NCAM2: variants seen among roughly 807,000 people sequenced by gnomAD.
NCAM2 encodes the protein N-CAM-2.
Under a neutral mutation model 98.1 loss-of-function variants are expected in NCAM2, and 30 were observed. The observed-to-expected ratio is 0.31, with a 90% CI of 0.23 to 0.41. The LOEUF is 0.41. Among genes scored for constraint, NCAM2 ranks in the 10% least tolerant of loss-of-function variants. NCAM2 has a pLI of 1.00. For synonymous variants in NCAM2, 368 were observed against 342.4 expected (o/e 1.07, Z -0.83); for missense variants, 867 against 1,005.8 (o/e 0.86, Z 1.87).
intron 9 of NCAM2, among the ~76,000 whole-genome samples, chr21:21,398,584 G>T (rs935711675): frequency 3.9e-5 from 6 of 152,134 alleles, no homozygotes; most frequent in Non-Finnish European, 7.4e-5. Context: ...GTGAAGCTTT[G>T]TAAAGAGTCA....
intron 15 of NCAM2, among the ~76,000 whole-genome samples, 159 bp downstream of exon 15, chr21:21,477,630 G>A (rs970054332): frequency 1.3e-5 from 2 of 151,912 alleles, no homozygotes; most frequent in African/African-American, 2.4e-5. Context: ...GTTTCTCATC[G>A]CTCTTGCCAT....
Position 21,247,242 on chromosome 21 carries a change from C to T in NCAM2, c.56-33336C>T, listed in dbSNP as rs549548816. On this transcript the variant is annotated intron_variant, in intron 1 of 17. Transcript: ENST00000400546. ...GCTGAGGCAGGAGAATGGCGTGAACCCGGGAGGCGGAGCTTGCAGTGAGTC... is the reference window on the plus strand; with the variant it reads ...GCTGAGGCAGGAGAATGGCGTGAACTCGGGAGGCGGAGCTTGCAGTGAGTC... Among the ~76,000 whole-genome samples, 9 of 152,108 alleles carry T rather than the reference C, an allele frequency of 5.9e-5. No homozygotes were observed. In the East Asian group the frequency reaches 1.8e-3, roughly 30 times the overall value.
At chr21:21,426,218 G>T (rs913867137) in intron 11 of NCAM2, among the ~76,000 whole-genome samples, 2 of 151,974 alleles carry the variant, frequency 1.3e-5, no homozygotes, top group African/African-American at 4.8e-5. Flanking sequence ...CAGCATGATC[G>T]AAACAAGAAA....
chr21:21,486,366 C>T (rs559276934), intron 15 of NCAM2, among the ~76,000 whole-genome samples: 163 of 138,546 alleles, frequency 1.2e-3, no homozygotes, highest in Non-Finnish European at 2.1e-3. Context: ...TGAGATAAAA[C>T]GATATCTCAA....
chr21:21,292,147 C>A lies in NCAM2; in HGVS notation c.525C>A (p.Asn175Lys), dbSNP rs779423340. Residue 175 changes from asparagine (N) to lysine (K), a missense_variant, in exon 5 of 18, where the codon AAC (asparagine) becomes AAA (lysine). Around this residue, in one of 5 missense-constraint regions of NCAM2, gnomAD observed 447 missense variants for 495.7 expected, o/e 0.90. Coordinates refer to ENST00000400546, the MANE Select transcript of NCAM2 (RefSeq NM_004540.5). ...MLANNNLQIL[N>K]INKSDEGIYR... is the part of the protein sequence containing the mutation. Reference sequence around the variant, plus strand: ...CAAACAATAACCTGCAGATTCTCAACATCAATAAAAGTGATGAAGGTATAT... The same window carrying A: ...CAAACAATAACCTGCAGATTCTCAAAATCAATAAAAGTGATGAAGGTATAT... 5.0e-6 allele frequency: 8 copies of A among 1,610,842 alleles called. No individual in the cohort carries two copies. Among genetic ancestry groups the A allele is most frequent in the Non-Finnish European group, 5.9e-6 (7 of 1,178,240 alleles).
chr21:21,052,150 A>ATTTTTTTTTTTTTTTTTTTTTTTTTTTT (rs5842877), intron 1 of NCAM2, among the ~76,000 whole-genome samples: 5 of 74,808 alleles, frequency 6.7e-5, no homozygotes, highest in African/African-American at 2.9e-4. Context: ...CATGATGGCC[A>ATTTTTTTTTTTTTTTTTTTTTTTTTTTT]TTTTTTTTTT....
intron 1 of NCAM2, chr21:21,210,713 G>A: frequency 8.9e-7 from 1 of 1,121,346 alleles, no homozygotes; most frequent in Non-Finnish European, 1.1e-6. Flanking sequence ...CATTGCCCAG[G>A]GCTGTAATCT....
At chr21:21,056,342 T>G (rs1329555131) in intron 1 of NCAM2, among the ~76,000 whole-genome samples, 6 of 152,116 alleles carry the variant, frequency 3.9e-5, no homozygotes, top group African/African-American at 1.4e-4. Context: ...ATATTTGACT[T>G]TCTTTTTTTC....
At chr21:21,244,321 T>C (rs1364264120) in intron 1 of NCAM2, among the ~76,000 whole-genome samples, 1 of 152,184 alleles carries the variant, frequency 6.6e-6, no homozygotes, top group African/African-American at 2.4e-5. Flanking sequence ...TGGAAATGTT[T>C]ATTTAGTATA....
intron 16 of NCAM2, among the ~76,000 whole-genome samples, chr21:21,510,003 A>G (rs1475793231): frequency 6.6e-6 from 1 of 152,156 alleles, no homozygotes; most frequent in Admixed American, 6.6e-5. Context: ...TCTGACACAT[A>G]CAAAAGTGTT....
Position 21,418,560 on chromosome 21 carries a change from G to C in NCAM2, c.1471G>C (p.Ala491Pro). The C allele has an allele frequency of 6.2e-7, 1 of 1,604,794 alleles. No homozygotes were observed. Among genetic ancestry groups the C allele is most frequent in the Non-Finnish European group, 8.5e-7 (1 of 1,171,812 alleles). The change falls in exon 11 of 18, where the codon GCT becomes CCT. Residue 491 changes from alanine (A) to proline (P), a missense_variant. Ala to Pro is a conservative substitution (Grantham distance 27, BLOSUM62 -1). Transcript: ENST00000400546. The stretch of plus-strand genomic sequence containing the variant: ...AACAAGATTTCAAGAATATATTCTT[G>C]CTTTGGCTGGTAAGTATAGCACAAT... ...IGTRFQEYIL[A>P]LADVPSSPYG...
chr21:21,143,529 G>A (rs368993431), intron 1 of NCAM2, among the ~76,000 whole-genome samples: 8 of 152,224 alleles, frequency 5.3e-5, no homozygotes, highest in East Asian at 3.9e-4. Flanking sequence ...AAGTTGACCA[G>A]ATTTTCCTCT....
chr21:21,326,267 A>G (rs2074508691), intron 6 of NCAM2, among the ~76,000 whole-genome samples: 1 of 152,196 alleles, frequency 6.6e-6, no homozygotes, highest in African/African-American at 2.4e-5. Context: ...CTTGATCACA[A>G]TGATTCCAAG....
intron 1 of NCAM2, among the ~76,000 whole-genome samples, chr21:21,027,777 T>A (rs2064582035): frequency 6.6e-6 from 1 of 152,222 alleles, no homozygotes; most frequent in Non-Finnish European, 1.5e-5. Flanking sequence ...ATTTTGTAGT[T>A]ACTTCAGTAA....
chr21:21,460,906 C>T (rs1982877569), intron 12 of NCAM2, among the ~76,000 whole-genome samples: 1 of 149,972 alleles, frequency 6.7e-6, no homozygotes. Flanking sequence ...AATTACAAAA[C>T]CTTAACTCAT....
At chr21:21,252,072 T>C (rs1299940228) in intron 1 of NCAM2, among the ~76,000 whole-genome samples, 2 of 152,050 alleles carry the variant, frequency 1.3e-5, no homozygotes, top group Non-Finnish European at 2.9e-5. Context: ...AAAGAAGACA[T>C]TATGTGGCCA....
rs1198027764 is a variant in NCAM2 at position 21,373,888 on chromosome 21, A to G, written c.1070A>G (p.Lys357Arg). Residue 357 changes from lysine to arginine, a missense_variant, in exon 9 of 18, where the codon AAA becomes AGA. By Grantham distance (26) the Lys-to-Arg change is conservative. Around this residue, in one of 5 missense-constraint regions of NCAM2, gnomAD observed 447 missense variants for 495.7 expected, o/e 0.90. Coordinates refer to ENST00000400546, the MANE Select transcript of NCAM2 (RefSeq NM_004540.5). ...DKSLDGRIEV[K>R]GQHGSSSLHI... ...AGCCTGGACGGCCGTATCGAAGTCA[A>G]AGGGCAGCATGGAAGCTCATCACTG... The G allele has an allele frequency of 2.4e-5, 38 of 1,609,054 alleles. No individual in the cohort carries two copies. The highest frequency in any genetic ancestry group is 3.1e-5 in the Non-Finnish European group (37 of 1,177,386).
chr21:21,249,665 C>A (rs963537437), intron 1 of NCAM2, among the ~76,000 whole-genome samples: 7 of 140,444 alleles, frequency 5.0e-5, no homozygotes, highest in African/African-American at 1.6e-4. Context: ...AATCAGCACC[C>A]CCACAATTAT....
At chr21:21,064,764 T>G (rs2065397863) in intron 1 of NCAM2, among the ~76,000 whole-genome samples, 1 of 152,220 alleles carries the variant, frequency 6.6e-6, no homozygotes. Flanking sequence ...TTATTATAAC[T>G]GTTTACATAT....
Sources: gnomAD v4.1 joint callset for allele counts (sites outside exome capture counted in the v4.1 genomes callset) on GRCh38, gnomAD v4.1.1 for gene constraint, gnomAD v4.1.1 regional missense constraint, MANE v1.5 for transcripts, NCBI Gene and HGNC (gene_info 2026-07-23, HGNC 2026-07-21) for gene names.